ZNF141: variants seen among roughly 807,000 people sequenced by gnomAD.
ZNF141 encodes the protein zinc finger protein 141.
In ZNF141, 7 loss-of-function variants were observed where a neutral mutation model predicts 11.3. The observed-to-expected ratio is 0.62, with a 90% CI of 0.35 to 1.16. The LOEUF (loss-of-function observed/expected upper bound fraction) is 1.16. Among genes scored for constraint, ZNF141 ranks in the 50% most tolerant of loss-of-function variants. The pLI is 0.02. For missense variants in ZNF141, 535 were observed against 554.0 expected (o/e 0.97, Z 0.34); for synonymous variants, 183 against 190.7 (o/e 0.96, Z 0.33).
At chr4:358,163 T>C (rs782495307) in intron 3 of ZNF141, 2 of 413,724 alleles carry the variant, frequency 4.8e-6, no homozygotes, top group South Asian at 3.5e-5. Flanking sequence ...TGTATTTGGT[T>C]CTTTTTTAAG....
At chr4:351,463 T>C (rs56905415) in intron 3 of ZNF141, among the ~76,000 whole-genome samples, 51,969 of 151,806 alleles carry the variant, frequency 0.34, 9,005 homozygotes, top group African/African-American at 0.36. Flanking sequence ...CCTGACCTCA[T>C]GATCCGCCCC....
chr4:361,094 A>G (rs554227423), intron 3 of ZNF141, among the ~76,000 whole-genome samples: 147 of 152,328 alleles, frequency 9.7e-4, no homozygotes, highest in Non-Finnish European at 3.7e-4. Context: ...AAAACATAAA[A>G]TTGCCATCTT....
In ZNF141 at chr4:374,951, G is replaced by A. The variant is rs1271810406; in HGVS notation, c.*1089G>A. ...GAGAAGCCACAAAAATATGAAAAAT[G>A]TGGCAAAGCCTTCAAATGCTTGTCA... On this transcript the variant is annotated 3_prime_UTR_variant, in exon 4 of 4. Transcript: ENST00000240499. The A allele has an allele frequency of 6.6e-6, 1 of 152,132 alleles. No homozygotes were observed. The highest frequency in any genetic ancestry group is 1.5e-5 in the Non-Finnish European group (1 of 68,010). 9.4% of individuals were successfully genotyped at this position (152,132 alleles called of 1,614,324 possible). A position where few individuals can be genotyped will look rare whatever the true frequency, so the allele number is the denominator to read the frequency against.
chr4:365,826 G>A (rs1306016485), intron 3 of ZNF141, among the ~76,000 whole-genome samples: 2 of 152,202 alleles, frequency 1.3e-5, no homozygotes, highest in Non-Finnish European at 2.9e-5. Context: ...GTAAGAGCTA[G>A]GGGCCTAGTT....
chr4:354,722 T>G (rs1721767059), intron 3 of ZNF141, among the ~76,000 whole-genome samples: 1 of 152,060 alleles, frequency 6.6e-6, no homozygotes, highest in African/African-American at 2.4e-5. Context: ...TTACATTCAT[T>G]TTTATATATT....
intron 3 of ZNF141, among the ~76,000 whole-genome samples, chr4:347,377 T>G (rs1475653187): frequency 2.0e-5 from 3 of 147,316 alleles, no homozygotes; most frequent in Non-Finnish European, 1.5e-5. Flanking sequence ...TCTCTCTCTG[T>G]CGCCCAGGCT....
At chr4:346,893 A>ACACACCCCC (rs373224939) in intron 3 of ZNF141, among the ~76,000 whole-genome samples, 14 of 135,478 alleles carry the variant, frequency 1.0e-4, no homozygotes, top group African/African-American at 1.3e-4. Context: ...ACACACACAC[A>ACACACCCCC]CCGCCCCCCC....
intron 3 of ZNF141, among the ~76,000 whole-genome samples, chr4:371,491 A>T (rs1553853582): frequency 6.6e-6 from 1 of 151,154 alleles, no homozygotes. Flanking sequence ...CGGCCTCCCA[A>T]AGTGCTGGGA....
Position 373,977 on chromosome 4 carries a change from A to G in ZNF141, c.*115A>G. On this transcript the variant is annotated 3_prime_UTR_variant, in exon 4 of 4. Coordinates refer to ENST00000240499, the MANE Select transcript of ZNF141 (RefSeq NM_003441.4). ...CCCTGGAAATGTGAAGAACGTGGCAAAGTTCTTTACCTCATTCTCAAACCT... is the reference window on the plus strand; with the variant it reads ...CCCTGGAAATGTGAAGAACGTGGCAGAGTTCTTTACCTCATTCTCAAACCT... 5 of 946,922 alleles carry G rather than the reference A, an allele frequency of 5.3e-6. No individual in the cohort carries two copies. The highest frequency in any genetic ancestry group is 8.1e-6 in the Non-Finnish European group (5 of 617,426). 58.7% of individuals were successfully genotyped at this position (946,922 alleles called of 1,614,324 possible).
chr4:345,465 A>G (rs1201720603), intron 3 of ZNF141, among the ~76,000 whole-genome samples: 1 of 152,156 alleles, frequency 6.6e-6, no homozygotes, highest in African/African-American at 2.4e-5. Context: ...CTTGGGCCAC[A>G]CATAAAATAC....
chr4:353,740 G>A (rs923832633), intron 3 of ZNF141, among the ~76,000 whole-genome samples: 2 of 152,050 alleles, frequency 1.3e-5, no homozygotes, highest in Non-Finnish European at 2.9e-5. Flanking sequence ...AGGATTACAA[G>A]CATGAGCCAC....
chr4:346,123 T>G (rs1721308602), intron 3 of ZNF141, among the ~76,000 whole-genome samples: 1 of 152,188 alleles, frequency 6.6e-6, no homozygotes, highest in Admixed American at 6.5e-5. Flanking sequence ...TGTTGATAGG[T>G]TCTTGGAAAC....
At position 383,346 on chromosome 4, in the gene ZNF141, T is replaced by C. The variant is rs1553855950; in HGVS notation, c.*9484T>C. 7 of 568,264 alleles carry C rather than the reference T, an allele frequency of 1.2e-5. No homozygotes were observed. Among genetic ancestry groups the C allele is most frequent in the Non-Finnish European group, 1.9e-5 (6 of 322,700 alleles). The allele number at this position is 568,264 out of a possible 1,614,324, so 35.2% of individuals were successfully genotyped here. The stretch of plus-strand genomic sequence containing the variant: ...TTCGGGATTGTTATGCAGTTATAAG[T>C]TAGTAATATATACACCCATTAAAGA... On this transcript the variant is annotated 3_prime_UTR_variant, in exon 4 of 4. Transcript: ENST00000240499.
intron 3 of ZNF141, among the ~76,000 whole-genome samples, chr4:364,137 T>G (rs1438190279): frequency 3.3e-5 from 5 of 152,212 alleles, no homozygotes; most frequent in Non-Finnish European, 5.9e-5. Flanking sequence ...CTCAGGGATA[T>G]TGGTCTAAAA....
chr4:338,724 A>AGGG (rs1246863768), intron 1 of ZNF141: 2 of 153,370 alleles, frequency 1.3e-5, no homozygotes, highest in African/African-American at 4.8e-5. Flanking sequence ...TGGCGTCTGC[A>AGGG]GGGGGGCAGC....
In ZNF141 at chr4:373,602, C is replaced by T. The variant is rs544940326; in HGVS notation, c.1165C>T (p.His389Tyr). 6.2e-7 allele frequency: 1 copy of T among 1,614,032 alleles called. No individual in the cohort carries two copies. Residue 389 changes from histidine (H) to tyrosine (Y), a missense_variant, in exon 4 of 4, where the codon CAT becomes TAT. Transcript: ENST00000240499. ...GGTCCTGAATGAACATAAAAAAATT[C>T]ATACTGGAGAGAAACCCTACAAATG... The part of the protein sequence containing the change: ...SRVLNEHKKI[H>Y]TGEKPYKCEE...
Position 378,510 on chromosome 4 carries a change from T to G in ZNF141, c.*4648T>G, listed in dbSNP as rs1292593492. On this transcript the variant is annotated 3_prime_UTR_variant, in exon 4 of 4. Coordinates refer to ENST00000240499, the MANE Select transcript of ZNF141 (RefSeq NM_003441.4). ...GTCTCGATCTTTTGACCTCATGATC[T>G]GCCTGCCTTGGCCTCCTGAAGTACT... Among the ~76,000 whole-genome samples, 2 of 152,056 alleles carry G rather than the reference T, an allele frequency of 1.3e-5. No homozygotes were observed. Among genetic ancestry groups the G allele is most frequent in the Non-Finnish European group, 2.9e-5 (2 of 68,010 alleles).
At chr4:371,924 T>G (rs564502709) in intron 3 of ZNF141, among the ~76,000 whole-genome samples, 2 of 152,374 alleles carry the variant, frequency 1.3e-5, no homozygotes, top group East Asian at 3.9e-4. Flanking sequence ...ATTTGTACAT[T>G]AACAAAAAGC....
chr4:338,870 A>T (rs1335132647), intron 1 of ZNF141, among the ~76,000 whole-genome samples: 1 of 152,220 alleles, frequency 6.6e-6, no homozygotes, highest in Non-Finnish European at 1.5e-5. Context: ...CAGAAGAAAG[A>T]CATGGCTGAG....
Sources: allele counts gnomAD v4.1 joint callset (sites outside exome capture counted in the v4.1 genomes callset), GRCh38; gene constraint gnomAD v4.1.1; transcripts MANE v1.5; gene names NCBI Gene and HGNC (gene_info 2026-07-23, HGNC 2026-07-21).